The following TTN variants were observed in gnomAD, a reference collection of about 807,000 sequenced individuals.
TTN encodes the protein connectin.
In TTN, 1,525 loss-of-function variants were observed where a neutral mutation model predicts 3,223.0. That is an observed-to-expected ratio of 0.47 (90% confidence interval 0.45 to 0.49). The LOEUF (loss-of-function observed/expected upper bound fraction) is 0.49. Ranked by LOEUF, TTN falls within the 20% of genes least tolerant of loss-of-function variation. The probability of loss-of-function intolerance (pLI) is 0.00; values close to 1 mark genes in which losing one functional copy is unlikely to be tolerated. For synonymous variants in TTN, 14,094 were observed against 15,161.0 expected (o/e 0.93, Z 5.17); for missense variants, 40,786 against 43,424.0 (o/e 0.94, Z 5.40).
rs1226774486 is a variant in TTN, at chr2:178,618,635, G to A, written c.46915C>T (p.Leu15639Phe). Residue 15639 changes from leucine to phenylalanine, a missense_variant, in exon 251 of 363, where the codon CTT (leucine) becomes TTT (phenylalanine). Leu to Phe is a conservative substitution (Grantham distance 22, BLOSUM62 0). Coordinates refer to ENST00000589042, the MANE Select transcript of TTN (RefSeq NM_001267550.2). The part of the protein sequence containing the change: ...KGDKGRYKIV[L>F]QNKHGKAEGF... The stretch of plus-strand genomic sequence containing the variant: ...TCTGCTTTTCCATGTTTGTTCTGAA[G>A]CACAATTTTATACCTCCCTTTGTCT... 3 of 1,612,248 alleles carry A rather than the reference G, an allele frequency of 1.9e-6. No individual in the cohort carries two copies. The highest frequency in any genetic ancestry group is 2.5e-6 in the Non-Finnish European group (3 of 1,179,038).
In TTN at chr2:178,731,145, G is replaced by A; in HGVS notation, c.17520C>T (p.Ala5840=). 6.2e-7 allele frequency: 1 copy of A among 1,613,670 alleles called. No homozygotes were observed. Among genetic ancestry groups the A allele is most frequent in the Non-Finnish European group, 8.5e-7 (1 of 1,179,720 alleles). Residue 5840 remains alanine (A), a synonymous_variant, in exon 60 of 363, where the codon GCC becomes GCT. Coordinates refer to ENST00000589042, the MANE Select transcript of TTN (RefSeq NM_001267550.2). ...VSIDVTQGDP[A]TLQVKFSGTK... is the part of the protein sequence containing the mutation. ...TCCCTGAAAATTTAACCTGCAAAGTGGCTGGGTCTCCTTGGGTGACATCTA... is the reference window on the plus strand; with the variant it reads ...TCCCTGAAAATTTAACCTGCAAAGTAGCTGGGTCTCCTTGGGTGACATCTA...
Position 178,569,306 on chromosome 2 carries a change from T to C in TTN, c.76826A>G (p.Lys25609Arg). ...TGAGTCTTTGGTGATTTCTGTGACT[T>C]TCAGGTTAACAGGTGGACTTGGCGT... ...LDTPSPPVNL[K>R]VTEITKDSVS... The change falls in exon 326 of 363, where the codon AAA becomes AGA. Residue 25609 changes from lysine to arginine, a missense_variant. Physicochemically the swap from Lys to Arg is conservative, Grantham distance 26. Transcript: ENST00000589042. 1 of 1,612,022 alleles carries C rather than the reference T, an allele frequency of 6.2e-7. No individual in the cohort carries two copies. The highest frequency in any genetic ancestry group is 8.5e-7 in the Non-Finnish European group (1 of 1,178,786).
rs780597566 is a variant in TTN at position 178,612,894 on chromosome 2, C to T, written c.49827G>A (p.Gln16609=). ...CTTCCATGAGCCCTGGGAGCAAGTG[C>T]TGAGTGGTGGGAACCCCTTCCGCCA... is the stretch of plus-strand genomic sequence containing the variant. ...VRVAEGVPTT[Q]HLLPGLMEGQ... Residue 16609 remains glutamine, a synonymous_variant, in exon 265 of 363, where the codon CAG becomes CAA. Coordinates refer to ENST00000589042, the MANE Select transcript of TTN (RefSeq NM_001267550.2). 20 of 1,612,468 alleles carry T rather than the reference C, an allele frequency of 1.2e-5. No homozygotes were observed. The Admixed American group carries it at 3.3e-4, about 27-fold the overall frequency.
In TTN at chr2:178,561,374, C is replaced by T. The variant is rs754491290; in HGVS notation, c.84758G>A (p.Cys28253Tyr). Reference sequence around the variant, plus strand: ...GACTTCAGGTTGTCCAGGAGGGTCACAAGGATCTCTTGCAGGGACTGGTTC... The same window carrying T: ...GACTTCAGGTTGTCCAGGAGGGTCATAAGGATCTCTTGCAGGGACTGGTTC... ...SCEPVPARDP[C>Y]DPPGQPEVTN... is the part of the protein sequence containing the mutation. Residue 28253 changes from cysteine (C) to tyrosine (Y), a missense_variant, in exon 326 of 363, where the codon TGT (cysteine) becomes TAT (tyrosine). Transcript: ENST00000589042. The T allele has an allele frequency of 1.9e-6, 3 of 1,613,760 alleles. No homozygotes were observed. In the South Asian group the frequency reaches 3.3e-5, roughly 18 times the overall value.
In TTN at chr2:178,574,061, A is replaced by G. The variant is rs1177425234; in HGVS notation, c.72071T>C (p.Val24024Ala). 2 of 1,613,342 alleles carry G rather than the reference A, an allele frequency of 1.2e-6. No homozygotes were observed. The highest frequency in any genetic ancestry group is 2.2e-5 in the South Asian group (2 of 91,068). The change falls in exon 326 of 363, where the codon GTT (valine) becomes GCT (alanine). Residue 24024 changes from valine (V) to alanine (A), a missense_variant. Val to Ala is a moderately conservative substitution (Grantham distance 64). Transcript: ENST00000589042. ...ATCCACCTTTATCTTTGGTGCCTCA[A>G]CATCATCCCTGCAAGTGATAGCATC... The part of the protein sequence containing the change: ...PSDAITCRDD[V>A]EAPKIKVDVK...
rs2053489886 is a variant in TTN, at chr2:178,601,676, A to G, written c.55414T>C (p.Cys18472Arg). 6.3e-7 allele frequency: 1 copy of G among 1,599,942 alleles called. No homozygotes were observed. Among genetic ancestry groups the G allele is most frequent in the African/African-American group, 1.4e-5 (1 of 73,976 alleles). ...TTCTTACCCATGACTTTAACTCTGC[A>G]ATTTGCAGTCTTTTGTCCTGCTTTA... ...KNKAGQKTAN[C>R]RVKVMDVPGP... Residue 18472 changes from cysteine (C) to arginine (R), a missense_variant, in exon 286 of 363, where the codon TGC becomes CGC. Coordinates refer to ENST00000589042, the MANE Select transcript of TTN (RefSeq NM_001267550.2).
rs1345899259 is a variant in TTN at position 178,599,261 on chromosome 2, G to A, written c.56532C>T (p.Tyr18844=). ...HVSSEPKECT[Y]TIPKLLEGHE... is the part of the protein sequence containing the mutation. ...GGCCTTCTAGCAATTTGGGAATCGTGTACGTGCACTCCTTAGGTTCACTGG... is the reference window on the plus strand; with the variant it reads ...GGCCTTCTAGCAATTTGGGAATCGTATACGTGCACTCCTTAGGTTCACTGG... The change falls in exon 290 of 363, where the codon TAC becomes TAT. Residue 18844 remains tyrosine, a synonymous_variant. Coordinates refer to ENST00000589042, the MANE Select transcript of TTN (RefSeq NM_001267550.2). 1.7e-5 allele frequency: 27 copies of A among 1,579,878 alleles called. No homozygotes were observed. In the East Asian group the frequency reaches 5.6e-4, roughly 33 times the overall value.
At chr2:178,756,130 T>G in intron 46 of TTN, 92 bp downstream of exon 46, 1 of 953,578 alleles carries the variant, frequency 1.0e-6, no homozygotes, top group Non-Finnish European at 1.6e-6. Flanking sequence ...ATATTCTAAT[T>G]AATATATTCG....
rs2154293026 is a variant in TTN at position 178,707,511 on chromosome 2, T to C, written c.29041+15A>G. On this transcript the variant is annotated intron_variant, in intron 100 of 362. Coordinates refer to ENST00000589042, the MANE Select transcript of TTN (RefSeq NM_001267550.2). ...TGCTGGCTTGAGCTGCATAATACTT[T>C]TGAGGTGTCTGTACCTTTAATGGTC... is the stretch of plus-strand genomic sequence containing the variant. 1 of 1,603,788 alleles carries C rather than the reference T, an allele frequency of 6.2e-7. No homozygotes were observed. Among genetic ancestry groups the C allele is most frequent in the East Asian group, 2.2e-5 (1 of 44,702 alleles).
intron 180 of TTN, among the ~76,000 whole-genome samples, chr2:178,660,557 C>A: frequency 7.5e-6 from 1 of 133,322 alleles, no homozygotes; most frequent in African/African-American, 2.8e-5. Flanking sequence ...AAATGTTAGA[C>A]CTAAAACCAT....
chr2:178,759,247 G>A (rs1220552646), intron 43 of TTN, 75 bp from the exon 44 acceptor site: 2 of 1,450,594 alleles, frequency 1.4e-6, no homozygotes, highest in Non-Finnish European at 1.9e-6. Context: ...CAAACACAAT[G>A]TTAATAATAC....
In TTN at chr2:178,730,067, A is replaced by C. The variant is rs772734095; in HGVS notation, c.18307+26T>G. 9 of 1,600,686 alleles carry C rather than the reference A, an allele frequency of 5.6e-6. 2 individuals carry two copies. In the South Asian group the frequency reaches 1.0e-4, roughly 18 times the overall value. On this transcript the variant is annotated intron_variant, in intron 62 of 362. Coordinates refer to ENST00000589042, the MANE Select transcript of TTN (RefSeq NM_001267550.2). ...AGGCAAGAAAATCTAGACAAGCAAG[A>C]AAGTGAGGAGATGTAGAGACCAGAC...
At chr2:178,794,800 G>A in intron 7 of TTN, 122 bp downstream of exon 7, 3 of 1,353,966 alleles carry the variant, frequency 2.2e-6, no homozygotes, top group Non-Finnish European at 3.1e-6. Flanking sequence ...TTCAGTTGCT[G>A]CTATATTTTT....
In TTN at chr2:178,632,317, C is replaced by T. The variant is rs373491468; in HGVS notation, c.43577G>A (p.Arg14526Gln). 452 of 1,607,726 alleles carry T rather than the reference C, an allele frequency of 2.8e-4. 1 individual carries two copies. Among genetic ancestry groups the T allele is most frequent in the Non-Finnish European group, 3.5e-4 (408 of 1,176,976 alleles). ...FTVELSHDNI[R>Q]VKWFKNDQRL... ...CTGGTCATTCTTGAACCATTTAACT[C>T]GGATGTTATCATGAGATAACTCCAC... The change falls in exon 236 of 363, where the codon CGA becomes CAA. Residue 14526 changes from arginine to glutamine, a missense_variant. Coordinates refer to ENST00000589042, the MANE Select transcript of TTN (RefSeq NM_001267550.2).
rs116604145 is a variant in TTN, at chr2:178,528,894, G to A, written c.106857C>T (p.Asn35619=). The A allele has an allele frequency of 4.3e-4, 702 of 1,613,978 alleles. 1 individual carries two copies. In the African/African-American group the frequency reaches 8.3e-3, roughly 19 times the overall value. ...IKAFSTQMSI[N]EGQRLVLKAN... The stretch of plus-strand genomic sequence containing the variant: ...CTTTTAAAACCAGTCTTTGACCTTC[G>A]TTTATGCTCATCTGAGTAGAAAATG... Residue 35619 remains asparagine, a synonymous_variant, in exon 360 of 363, where the codon AAC becomes AAT. Transcript: ENST00000589042.
chr2:178,709,176 T>C lies in TTN; in HGVS notation c.28753+390A>G, dbSNP rs2076293872. Among the ~76,000 whole-genome samples the C allele has an allele frequency of 3.3e-5, 5 of 152,274 alleles. 1 individual carries two copies. In the South Asian group the frequency reaches 1.0e-3, roughly 32 times the overall value. ...GAGAAAGTTTCAGACTGTGATATAATATATAACTCAATAATAGTCAAGTTA... is the reference window on the plus strand; with the variant it reads ...GAGAAAGTTTCAGACTGTGATATAACATATAACTCAATAATAGTCAAGTTA... On this transcript the variant is annotated intron_variant, in intron 99 of 362. Transcript: ENST00000589042.
At chr2:178,603,750 G>A (rs1307310848) in intron 282 of TTN, 126 bp downstream of exon 282, 1 of 978,954 alleles carries the variant, frequency 1.0e-6, no homozygotes, top group African/African-American at 1.6e-5. Flanking sequence ...ATGTGAACAT[G>A]AACCTTTTTT....
intron 1 of TTN, among the ~76,000 whole-genome samples, chr2:178,805,609 T>C (rs1002902468): frequency 2.0e-5 from 3 of 152,204 alleles, no homozygotes; most frequent in African/African-American, 7.2e-5. Context: ...CGGTGCTTTC[T>C]ATTTCTTAAC....
Position 178,750,225 on chromosome 2 carries a change from A to G in TTN, c.11311+2899T>C, listed in dbSNP as rs10803917. 1,605,964 of 1,613,152 alleles carry G rather than the reference A, an allele frequency of 1. 799,682 individuals are homozygous for G. The highest frequency in any genetic ancestry group is 1 in the East Asian group (44,824 of 44,824). ...TTTGCTTGGTCAAACACCAATGCTA[A>G]CTCTTCTTCCTCATCCAAGTAGTCA... On this transcript the variant is annotated intron_variant, in intron 47 of 362. Coordinates refer to ENST00000589042, the MANE Select transcript of TTN (RefSeq NM_001267550.2).
Sources: allele counts gnomAD v4.1 joint callset (sites outside exome capture counted in the v4.1 genomes callset), GRCh38; gene constraint gnomAD v4.1.1; transcripts MANE v1.5; gene names NCBI Gene and HGNC (gene_info 2026-07-23, HGNC 2026-07-21).